The following NPTN variants were observed in gnomAD, a reference collection of about 807,000 sequenced individuals.
NPTN encodes SDR-1.
Under a neutral mutation model 42.7 loss-of-function variants are expected in NPTN, and 5 were observed. The ratio of observed to expected loss-of-function variants is 0.12; its 90% confidence interval spans 0.06 to 0.25. The LOEUF is 0.25. NPTN is among the 10% of genes least tolerant of loss of function. The pLI, the probability that NPTN is intolerant of heterozygous loss-of-function variation, is 1.00. For missense variants in NPTN, 307 were observed against 525.4 expected (o/e 0.58, Z 4.06); for synonymous variants, 180 against 201.9 (o/e 0.89, Z 0.92).
intron 4 of NPTN, among the ~76,000 whole-genome samples, chr15:73,584,764 TAAAAAAA>T (rs55815192): frequency 2.4e-5 from 3 of 122,902 alleles, no homozygotes; most frequent in Admixed American, 8.4e-5. Context: ...TTGTGTCCTT[TAAAAAAA>T]AAAAAAAAAA....
intron 4 of NPTN, among the ~76,000 whole-genome samples, chr15:73,585,934 A>G (rs145770724): frequency 4.4e-4 from 67 of 152,362 alleles, no homozygotes; most frequent in African/African-American, 1.5e-3. Context: ...CCTGCTGAAG[A>G]GACTATGAAG....
intron 1 of NPTN, among the ~76,000 whole-genome samples, chr15:73,608,858 G>A (rs1897415751): frequency 6.6e-6 from 1 of 152,220 alleles, no homozygotes. Context: ...GGTGGGCAGT[G>A]ATACTATAAC....
At chr15:73,607,713 C>T (rs1048540548) in intron 1 of NPTN, among the ~76,000 whole-genome samples, 3 of 152,172 alleles carry the variant, frequency 2.0e-5, no homozygotes, top group Admixed American at 2.0e-4. Flanking sequence ...GCAGAAATCA[C>T]ACTGAGAACT....
At chr15:73,585,300 C>G (rs1033164720) in intron 4 of NPTN, among the ~76,000 whole-genome samples, 1 of 152,198 alleles carries the variant, frequency 6.6e-6, no homozygotes, top group African/African-American at 2.4e-5. Context: ...TATTACTCAG[C>G]AGATTTTTCA....
At chr15:73,618,546 G>C (rs141169422) in intron 1 of NPTN, among the ~76,000 whole-genome samples, 1 of 152,136 alleles carries the variant, frequency 6.6e-6, no homozygotes, top group African/African-American at 2.4e-5. Context: ...TGTAAGAAGA[G>C]AATAAAATTA....
chr15:73,586,345 AACCAAG>A (rs1291682644), intron 4 of NPTN, among the ~76,000 whole-genome samples: 1 of 152,226 alleles, frequency 6.6e-6, no homozygotes, highest in Non-Finnish European at 1.5e-5. Flanking sequence ...AATGGGTAGA[AACCAAG>A]GTTTCTCCAA....
At chr15:73,572,881 G>A (rs528842817) in intron 5 of NPTN, among the ~76,000 whole-genome samples, 6 of 152,218 alleles carry the variant, frequency 3.9e-5, no homozygotes, top group African/African-American at 1.2e-4. Context: ...GGGGCCTTGT[G>A]GGAGGTGACA....
At chr15:73,590,834 T>G (rs1176464345) in intron 3 of NPTN, among the ~76,000 whole-genome samples, 1 of 152,086 alleles carries the variant, frequency 6.6e-6, no homozygotes, top group African/African-American at 2.4e-5. Flanking sequence ...ATGCTTTTCA[T>G]TCCACCTAAC....
At chr15:73,612,491 G>A (rs1439366208) in intron 1 of NPTN, among the ~76,000 whole-genome samples, 2 of 151,948 alleles carry the variant, frequency 1.3e-5, no homozygotes, top group Admixed American at 6.5e-5. Flanking sequence ...AGACTGGCCA[G>A]GCGCAGTGGC....
intron 1 of NPTN, among the ~76,000 whole-genome samples, chr15:73,623,849 CCTA>C (rs140716398): frequency 0.013 from 2,020 of 152,252 alleles, 51 homozygotes; most frequent in African/African-American, 0.046. Flanking sequence ...AGCTCTTTGT[CCTA>C]CTTATAATGG....
chr15:73,563,411 G>A, intron 6 of NPTN, 154 bp from the exon 7 acceptor site: 7 of 1,441,790 alleles, frequency 4.9e-6, no homozygotes, highest in Admixed American at 2.8e-5. Context: ...ATCTGGAGGT[G>A]CAAAACACTC....
At chr15:73,609,225 G>C (rs886878181) in intron 1 of NPTN, among the ~76,000 whole-genome samples, 6 of 152,132 alleles carry the variant, frequency 3.9e-5, no homozygotes, top group Non-Finnish European at 8.8e-5. Flanking sequence ...TGCTTCAGAA[G>C]ACTTAAAACT....
chr15:73,605,081 A>T (rs2141424050), intron 1 of NPTN, among the ~76,000 whole-genome samples: 1 of 140,628 alleles, frequency 7.1e-6, no homozygotes. Flanking sequence ...CTGGTGACAG[A>T]GTAGAGACCC....
At chr15:73,609,810 T>C (rs754705857) in intron 1 of NPTN, among the ~76,000 whole-genome samples, 10 of 151,980 alleles carry the variant, frequency 6.6e-5, no homozygotes, top group Non-Finnish European at 1.5e-4. Context: ...ATGGGATACA[T>C]AGTGAAGTTT....
At chr15:73,574,775 A>G (rs1895595882) in intron 4 of NPTN, among the ~76,000 whole-genome samples, 1 of 152,202 alleles carries the variant, frequency 6.6e-6, no homozygotes, top group Non-Finnish European at 1.5e-5. Context: ...ACAGTTTCCT[A>G]GACTGAACCC....
chr15:73,602,378 C>A (rs1317835622), intron 1 of NPTN, among the ~76,000 whole-genome samples: 1 of 152,176 alleles, frequency 6.6e-6, no homozygotes, highest in African/African-American at 2.4e-5. Flanking sequence ...AAATGACAGC[C>A]AAGATCATAA....
At chr15:73,613,159 A>G (rs763809700) in intron 1 of NPTN, among the ~76,000 whole-genome samples, 6 of 152,230 alleles carry the variant, frequency 3.9e-5, no homozygotes, top group Non-Finnish European at 5.9e-5. Flanking sequence ...TTCTAAATAC[A>G]GTATATTTGT....
At chr15:73,598,121 C>T (rs1896912273) in intron 1 of NPTN, among the ~76,000 whole-genome samples, 1 of 152,162 alleles carries the variant, frequency 6.6e-6, no homozygotes, top group Non-Finnish European at 1.5e-5. Context: ...GATATTAATA[C>T]TTTGTGGGTC....
Position 73,633,261 on chromosome 15 carries a change from CG to C in NPTN, c.-47del. On this transcript the variant is annotated 5_prime_UTR_variant, in exon 1 of 9. Transcript: ENST00000345330. Reference sequence around the variant, plus strand: ...ACAGCGAATGGGCCGGGGCCAGAGCCGGGGCCGGGGAAGGGAGGGGAGGGAG... The same window carrying C: ...ACAGCGAATGGGCCGGGGCCAGAGCCGGGCCGGGGAAGGGAGGGGAGGGAG... 2 of 439,860 alleles carry C rather than the reference CG, an allele frequency of 4.5e-6. No individual in the cohort carries two copies. Among genetic ancestry groups the C allele is most frequent in the Non-Finnish European group, 4.0e-6 (1 of 248,432 alleles). The allele number at this position is 439,860 out of a possible 1,614,324, so 27.2% of individuals were successfully genotyped here. A position where few individuals can be genotyped will look rare whatever the true frequency, so the allele number is the denominator to read the frequency against.
Sources: allele counts gnomAD v4.1 joint callset (sites outside exome capture counted in the v4.1 genomes callset), GRCh38; gene constraint gnomAD v4.1.1; transcripts MANE v1.5; gene names NCBI Gene and HGNC (gene_info 2026-07-23, HGNC 2026-07-21).